Variants in ROBO1 observed in about 807,000 individuals in gnomAD.
ROBO1 encodes the protein roundabout guidance receptor 1, also known as roundabout homolog 1.
In ROBO1, 149 loss-of-function variants were observed where a neutral mutation model predicts 195.9. The ratio of observed to expected loss-of-function variants is 0.76; its 90% CI spans 0.67 to 0.87. The LOEUF (loss-of-function observed/expected upper bound fraction) is 0.87. ROBO1 is among the 40% of genes least tolerant of loss of function. ROBO1 has a pLI of 0.00. For missense variants in ROBO1, 1,933 were observed against 2,068.3 expected, an observed-to-expected ratio of 0.93 and a Z score of 1.27; for synonymous variants, 816 against 733.2, an observed-to-expected ratio of 1.11 and a Z score of -1.82.
At position 78,992,453 on chromosome 3, in the gene ROBO1, T is replaced by C. The variant is rs145862097; in HGVS notation, c.173-53526A>G. On this transcript the variant is annotated intron_variant, in intron 3 of 30. Transcript: ENST00000464233. ...ATCCCTAGTCACCACTAGCAACAAT[T>C]TTGCCTAAACAAGGAAAAGTAGTCC... 2.0e-5 allele frequency among the ~76,000 whole-genome samples: 3 copies of C among 152,220 alleles called. No homozygotes were observed. In the East Asian group the frequency reaches 5.8e-4, roughly 29 times the overall value.
chr3:78,673,576 A>ATTT (rs1708210855), intron 10 of ROBO1, among the ~76,000 whole-genome samples: 1 of 43,740 alleles, frequency 2.3e-5, no homozygotes, highest in Non-Finnish European at 4.5e-5. Context: ...ATATATATAT[A>ATTT]TATATATATA....
intron 2 of ROBO1, among the ~76,000 whole-genome samples, chr3:79,446,085 A>T (rs1178527880): frequency 6.6e-6 from 1 of 152,168 alleles, no homozygotes; most frequent in Non-Finnish European, 1.5e-5. Flanking sequence ...GACGTGAGTC[A>T]CTGTGCCCAG....
chr3:79,540,540 G>A (rs1942026411), intron 2 of ROBO1, among the ~76,000 whole-genome samples: 1 of 152,024 alleles, frequency 6.6e-6, no homozygotes, highest in Admixed American at 6.6e-5. Context: ...CGAATCTCAT[G>A]TTCTACCGAT....
intron 2 of ROBO1, among the ~76,000 whole-genome samples, chr3:79,134,205 A>AC (rs1260319139): frequency 1.5e-5 from 2 of 136,198 alleles, no homozygotes; most frequent in Non-Finnish European, 3.1e-5. Flanking sequence ...AAAACAAACA[A>AC]CCCCATCAAA....
chr3:78,751,295 G>GTAA lies in ROBO1; in HGVS notation c.500-4398_500-4396dup, dbSNP rs58730543. On this transcript the variant is annotated intron_variant, in intron 4 of 30. Transcript: ENST00000464233. ...GGGAGAGGAGCATGCCACATAAATAGTAATAATAATAATAATAATAATAAT... is the reference window on the plus strand; with the variant it reads ...GGGAGAGGAGCATGCCACATAAATAGTAATAATAATAATAATAATAATAATAAT... 4.2e-3 allele frequency among the ~76,000 whole-genome samples: 630 copies of GTAA among 150,622 alleles called. 3 individuals are homozygous for GTAA. Among genetic ancestry groups the GTAA allele is most frequent in the Admixed American group, 0.01 (154 of 15,100 alleles).
chr3:79,480,644 G>T (rs1352959314), intron 2 of ROBO1, among the ~76,000 whole-genome samples: 2 of 151,992 alleles, frequency 1.3e-5, no homozygotes, highest in Non-Finnish European at 2.9e-5. Context: ...CCATGTTGTT[G>T]GTTTAACAAA....
At chr3:79,505,677 G>A (rs1940353844) in intron 2 of ROBO1, among the ~76,000 whole-genome samples, 1 of 151,838 alleles carries the variant, frequency 6.6e-6, no homozygotes, top group South Asian at 2.1e-4. Context: ...CGAGGTGTAA[G>A]AAGGACAATA....
At chr3:79,018,438 A>T (rs1241919618) in intron 3 of ROBO1, 2 of 1,613,816 alleles carry the variant, frequency 1.2e-6, no homozygotes, top group African/African-American at 2.7e-5. Context: ...CAAACAGGTA[A>T]AAGTGAGCGG....
intron 4 of ROBO1, among the ~76,000 whole-genome samples, chr3:78,874,300 C>T (rs1688122227): frequency 6.6e-6 from 1 of 151,836 alleles, no homozygotes; most frequent in Admixed American, 6.6e-5. Context: ...TATTATTTTA[C>T]ACACATAAAA....
chr3:78,662,121 C>G lies in ROBO1; in HGVS notation c.1967-7G>C, dbSNP rs746382441. Reference sequence around the variant, plus strand: ...TGACTTGTTGGTAGGACATCTACAACAAGTCAAGAAAACTGTGTCAGGGTC... The same window carrying G: ...TGACTTGTTGGTAGGACATCTACAAGAAGTCAAGAAAACTGTGTCAGGGTC... On this transcript the variant is annotated splice_region_variant and splice_polypyrimidine_tract_variant and intron_variant, in intron 14 of 30. Coordinates refer to ENST00000464233, the MANE Select transcript of ROBO1 (RefSeq NM_002941.4). The G allele has an allele frequency of 6.4e-7, 1 of 1,552,426 alleles. No homozygotes were observed. Among genetic ancestry groups the G allele is most frequent in the Non-Finnish European group, 8.7e-7 (1 of 1,147,846 alleles).
At chr3:79,113,716 G>C (rs548431246) in intron 3 of ROBO1, among the ~76,000 whole-genome samples, 2 of 151,992 alleles carry the variant, frequency 1.3e-5, no homozygotes, top group Non-Finnish European at 2.9e-5. Context: ...GCAGTGAGCC[G>C]AGATCCTGCC....
intron 4 of ROBO1, among the ~76,000 whole-genome samples, chr3:78,814,193 G>T (rs1466892513): frequency 1.3e-5 from 2 of 151,914 alleles, no homozygotes; most frequent in South Asian, 2.1e-4. Flanking sequence ...TCTGAGGAAA[G>T]AAATTATTTA....
intron 1 of ROBO1, among the ~76,000 whole-genome samples, chr3:79,747,612 A>C (rs1450694319): frequency 6.6e-6 from 1 of 152,060 alleles, no homozygotes; most frequent in Non-Finnish European, 1.5e-5. Context: ...TTGAACAAGA[A>C]ACTATAGTTC....
Position 79,160,234 on chromosome 3 carries a change from A to ATGTGTGTG in ROBO1, c.89-34703_89-34696dup, listed in dbSNP as rs142663481. Among the ~76,000 whole-genome samples the ATGTGTGTG allele has an allele frequency of 5.6e-3, 838 of 148,388 alleles. 3 individuals are homozygous for ATGTGTGTG. Among genetic ancestry groups the ATGTGTGTG allele is most frequent in the African/African-American group, 0.019 (770 of 40,732 alleles). On this transcript the variant is annotated intron_variant, in intron 2 of 30. Transcript: ENST00000464233. ...TATTCTGTTCATTGCCTTTAAAAAA[A>ATGTGTGTG]TGTGTGTGTGTGTGTGTGTGTGTGT...
intron 2 of ROBO1, among the ~76,000 whole-genome samples, chr3:79,356,298 G>C (rs1277302071): frequency 6.6e-6 from 1 of 152,114 alleles, no homozygotes; most frequent in Non-Finnish European, 1.5e-5. Flanking sequence ...CTAAGATACT[G>C]CCACTACCCT....
intron 11 of ROBO1, 81 bp from the exon 12 acceptor site, chr3:78,668,646 G>T: frequency 8.0e-7 from 1 of 1,249,714 alleles, no homozygotes; most frequent in Non-Finnish European, 1.1e-6. Context: ...GTTTGTATAT[G>T]ATCCATGAAT....
intron 2 of ROBO1, among the ~76,000 whole-genome samples, chr3:79,254,673 A>G (rs994624729): frequency 6.6e-6 from 1 of 152,172 alleles, no homozygotes. Context: ...AACTTGGAGA[A>G]AGAAGACCTG....
At chr3:79,669,846 G>A (rs1373883777) in intron 1 of ROBO1, among the ~76,000 whole-genome samples, 1 of 151,726 alleles carries the variant, frequency 6.6e-6, no homozygotes, top group Admixed American at 6.6e-5. Context: ...ACTAAAAGAA[G>A]GTTTTTAAGT....
chr3:78,670,962 G>A (rs1390869359), intron 10 of ROBO1, among the ~76,000 whole-genome samples: 3 of 152,164 alleles, frequency 2.0e-5, no homozygotes, highest in Non-Finnish European at 4.4e-5. Flanking sequence ...TTGTTTGGCT[G>A]ATCCAAAGAG....
Sources: allele counts gnomAD v4.1 joint callset (sites outside exome capture counted in the v4.1 genomes callset), GRCh38; gene constraint gnomAD v4.1.1; transcripts MANE v1.5; gene names NCBI Gene and HGNC (gene_info 2026-07-23, HGNC 2026-07-21).